The following SLC29A3 variants were observed in gnomAD, a reference collection of about 807,000 sequenced individuals.
SLC29A3 encodes equilibrative nucleoside transporter 3.
Under a neutral mutation model 25.4 loss-of-function variants are expected in SLC29A3, and 18 were observed. The ratio of observed to expected loss-of-function variants is 0.71; its 90% CI spans 0.49 to 1.05. SLC29A3 has a LOEUF of 1.05. Among genes scored for constraint, SLC29A3 ranks in the 50% least tolerant of loss-of-function variants. The probability of loss-of-function intolerance (pLI) is 0.00; values close to 1 mark genes in which losing one functional copy is unlikely to be tolerated. For synonymous variants in SLC29A3, 258 were observed against 267.1 expected, an observed-to-expected ratio of 0.97 and a Z score of 0.33; for missense variants, 586 against 609.0, an observed-to-expected ratio of 0.96 and a Z score of 0.40.
chr10:71,330,696 G>A (rs911783967), intron 2 of SLC29A3, among the ~76,000 whole-genome samples: 1 of 152,208 alleles, frequency 6.6e-6, no homozygotes, highest in African/African-American at 2.4e-5. Context: ...CTTATAGATG[G>A]TGGCTCCTGC....
At chr10:71,328,352 C>G (rs760316292) in intron 2 of SLC29A3, among the ~76,000 whole-genome samples, 2 of 152,202 alleles carry the variant, frequency 1.3e-5, no homozygotes, top group Non-Finnish European at 2.9e-5. Flanking sequence ...GTTAGGGGCT[C>G]CATGCCTGGG....
In SLC29A3 at chr10:71,356,112, G is replaced by A. The variant is rs546203876; in HGVS notation, c.642G>A (p.Val214=). ...CCATGGGCGGGACGGTCAGCGCCGT[G>A]GCCTCATTGGTGGACTTGGCTGCAT... ...GGAMGGTVSA[V]ASLVDLAASS... The change falls in exon 5 of 6, where the codon GTG becomes GTA. Residue 214 remains valine (V), a synonymous_variant. Coordinates refer to ENST00000373189, the MANE Select transcript of SLC29A3 (RefSeq NM_018344.6). 5 of 1,614,186 alleles carry A rather than the reference G, an allele frequency of 3.1e-6. No homozygotes were observed. The highest frequency in any genetic ancestry group is 2.2e-5 in the East Asian group (1 of 44,882).
intron 4 of SLC29A3, among the ~76,000 whole-genome samples, chr10:71,354,202 C>T (rs546841038): frequency 1.3e-5 from 2 of 152,286 alleles, no homozygotes; most frequent in East Asian, 1.9e-4. Context: ...GAGTGCTTCA[C>T]GTGTAATAAT....
At chr10:71,326,662 C>T (rs1386496537) in intron 2 of SLC29A3, among the ~76,000 whole-genome samples, 1 of 152,230 alleles carries the variant, frequency 6.6e-6, no homozygotes, top group East Asian at 1.9e-4. Context: ...GAGGGGTGTC[C>T]AGGCCTGGCT....
chr10:71,373,263 C>A (rs1847225250), intron 3 of SLC29A3, among the ~76,000 whole-genome samples: 1 of 152,192 alleles, frequency 6.6e-6, no homozygotes, highest in African/African-American at 2.4e-5. Flanking sequence ...AGAACTCTGG[C>A]CTTGTCTTTC....
At chr10:71,371,804 A>G (rs754266574) in intron 3 of SLC29A3, among the ~76,000 whole-genome samples, 5 of 152,236 alleles carry the variant, frequency 3.3e-5, no homozygotes, top group Non-Finnish European at 5.9e-5. Context: ...AAAGCTCTCC[A>G]TCCAGGCTAA....
At chr10:71,361,034 C>T (rs1847040513) in intron 5 of SLC29A3, among the ~76,000 whole-genome samples, 1 of 152,226 alleles carries the variant, frequency 6.6e-6, no homozygotes, top group Non-Finnish European at 1.5e-5. Context: ...GAAAGTTTTA[C>T]AATATGTATG....
intron 5 of SLC29A3, among the ~76,000 whole-genome samples, chr10:71,360,483 T>C (rs1386440907): frequency 6.6e-6 from 1 of 152,204 alleles, no homozygotes; most frequent in Non-Finnish European, 1.5e-5. Flanking sequence ...CCAATGCAAT[T>C]ACTGTAGATT....
intron 2 of SLC29A3, among the ~76,000 whole-genome samples, chr10:71,340,688 A>G (rs111566837): frequency 6.6e-6 from 1 of 152,346 alleles, no homozygotes; most frequent in South Asian, 2.1e-4. Context: ...TTGGAGCTGT[A>G]TTCAAATGTT....
At chr10:71,365,935 A>T (rs1287806622), downstream of SLC29A3, 1 of 151,950 alleles carries the variant, frequency 6.6e-6, no homozygotes, top group Admixed American at 6.6e-5. Flanking sequence ...TTTAATTCCA[A>T]ATGGCAGTTT....
At chr10:71,336,468 C>G (rs969615796) in intron 2 of SLC29A3, among the ~76,000 whole-genome samples, 1 of 151,704 alleles carries the variant, frequency 6.6e-6, no homozygotes, top group African/African-American at 2.4e-5. Flanking sequence ...CCAGGGCAGC[C>G]GGGAGGGACA....
chr10:71,357,939 G>T (rs1203839780), intron 5 of SLC29A3, among the ~76,000 whole-genome samples: 1 of 152,250 alleles, frequency 6.6e-6, no homozygotes, highest in Non-Finnish European at 1.5e-5. Context: ...GCTGGGGAGA[G>T]ATCTGCCCCT....
At chr10:71,379,077 A>G (rs1847282206) in intron 4 of SLC29A3, among the ~76,000 whole-genome samples, 2 of 152,180 alleles carry the variant, frequency 1.3e-5, no homozygotes, top group South Asian at 4.1e-4. Context: ...GCCTCAGTTG[A>G]GAGGGAGATG....
At position 71,362,911 on chromosome 10, in the gene SLC29A3, G is replaced by T. The variant is rs986587041; in HGVS notation, c.*303G>T. ...TCCACCTTCTTTCTAGCCCTTCAAAGATGCTGCCAGTGTTCGCCCTAGAGT... is the reference window on the plus strand; with the variant it reads ...TCCACCTTCTTTCTAGCCCTTCAAATATGCTGCCAGTGTTCGCCCTAGAGT... On this transcript the variant is annotated 3_prime_UTR_variant, in exon 6 of 6. Coordinates refer to ENST00000373189, the MANE Select transcript of SLC29A3 (RefSeq NM_018344.6). The T allele has an allele frequency of 2.2e-5, 13 of 578,118 alleles. No individual in the cohort carries two copies. The Admixed American group carries it at 2.8e-4, about 13-fold the overall frequency. 35.8% of individuals were successfully genotyped at this position (578,118 alleles called of 1,614,324 possible).
chr10:71,352,039 G>A (rs919046780), intron 4 of SLC29A3, among the ~76,000 whole-genome samples: 3 of 152,204 alleles, frequency 2.0e-5, no homozygotes, highest in African/African-American at 4.8e-5. Flanking sequence ...TCGACGGGGA[G>A]CGGAGGATCC....
intron 3 of SLC29A3, among the ~76,000 whole-genome samples, chr10:71,368,495 G>A (rs532276300): frequency 2.8e-4 from 42 of 152,308 alleles, no homozygotes; most frequent in African/African-American, 9.4e-4. Context: ...CTTGTTTGAT[G>A]CTCAGGCCCC....
intron 4 of SLC29A3, among the ~76,000 whole-genome samples, chr10:71,355,655 G>A (rs1336264701): frequency 6.6e-6 from 1 of 152,184 alleles, no homozygotes; most frequent in Non-Finnish European, 1.5e-5. Context: ...TGGTTGGTGG[G>A]TACTTTGGGC....
chr10:71,333,312 G>T (rs1294359192), intron 2 of SLC29A3, among the ~76,000 whole-genome samples: 1 of 152,248 alleles, frequency 6.6e-6, no homozygotes, highest in Non-Finnish European at 1.5e-5. Context: ...TCTAGTGGAG[G>T]CAGAGGACAG....
chr10:71,352,541 T>C (rs531438618), intron 4 of SLC29A3: 1 of 152,786 alleles, frequency 6.5e-6, no homozygotes, highest in East Asian at 1.9e-4. Flanking sequence ...CTTCCTTCTG[T>C]CTTTTCTTCC....
Sources: gnomAD v4.1 joint callset for allele counts (sites outside exome capture counted in the v4.1 genomes callset) on GRCh38, gnomAD v4.1.1 for gene constraint, MANE v1.5 for transcripts, NCBI Gene and HGNC (gene_info 2026-07-23, HGNC 2026-07-21) for gene names.